Variants in ADCY2 observed in about 807,000 individuals in gnomAD.
The protein encoded by ADCY2 is adenylate cyclase type 2.
Under a neutral mutation model 125.2 loss-of-function variants are expected in ADCY2, and 31 were observed. The ratio of observed to expected loss-of-function variants is 0.25; its 90% CI spans 0.19 to 0.33. ADCY2 has a LOEUF of 0.33. ADCY2 is among the 10% of genes least tolerant of loss of function. The pLI is 1.00. For missense variants in ADCY2, 904 were observed against 1,418.2 expected, an observed-to-expected ratio of 0.64 and a Z score of 5.82; for synonymous variants, 512 against 548.4, an observed-to-expected ratio of 0.93 and a Z score of 0.93.
chr5:7,747,132 T>G (rs1263176804), intron 15 of ADCY2, among the ~76,000 whole-genome samples: 1 of 152,154 alleles, frequency 6.6e-6, no homozygotes, highest in Admixed American at 6.5e-5. Flanking sequence ...GCCCCTTCAC[T>G]CCCACCCGAG....
intron 3 of ADCY2, among the ~76,000 whole-genome samples, chr5:7,613,039 T>A (rs12520056): frequency 0.27 from 41,496 of 151,488 alleles, 6,885 homozygotes; most frequent in Admixed American, 0.46. Context: ...CTCAAAAAAA[T>A]ATATATATAC....
intron 3 of ADCY2, among the ~76,000 whole-genome samples, chr5:7,564,692 C>T (rs888237581): frequency 5.3e-5 from 8 of 152,166 alleles, no homozygotes; most frequent in African/African-American, 1.7e-4. Flanking sequence ...AATGCTCATC[C>T]TGCCACCCTG....
chr5:7,568,221 C>T (rs1313284396), intron 3 of ADCY2, among the ~76,000 whole-genome samples: 3 of 152,098 alleles, frequency 2.0e-5, no homozygotes, highest in Non-Finnish European at 4.4e-5. Context: ...AGTTCATGTC[C>T]ACGTGGTCCT....
chr5:7,396,381 T>C lies in ADCY2; in HGVS notation c.85T>C (p.Ser29Pro). The C allele has an allele frequency of 6.4e-7, 1 of 1,560,962 alleles. No individual in the cohort carries two copies. Among genetic ancestry groups the C allele is most frequent in the Non-Finnish European group, 8.7e-7 (1 of 1,154,944 alleles). ...GGGCGGCGGAGACGGGCTGCCGCGG[T>C]CCCGGGACTGGCTCTACGAGTCCTA... is the stretch of plus-strand genomic sequence containing the variant. ...AAGGGDGLPR[S>P]RDWLYESYYC... The change falls in exon 1 of 25, where the codon TCC (serine) becomes CCC (proline). Residue 29 changes from serine (S) to proline (P), a missense_variant. Around this residue, in one of 7 missense-constraint regions of ADCY2, gnomAD observed 113 missense variants for 108.0 expected, o/e 1.05. Coordinates refer to ENST00000338316, the MANE Select transcript of ADCY2 (RefSeq NM_020546.3). This position sits in a 1 kb window ranked among gnomAD's most constrained non-coding sequence, Gnocchi z 5.7.
intron 3 of ADCY2, among the ~76,000 whole-genome samples, chr5:7,532,203 G>A (rs865893444): frequency 1.3e-5 from 2 of 152,212 alleles, no homozygotes; most frequent in Middle Eastern, 3.2e-3. Flanking sequence ...TTGCAGATAG[G>A]TAAGGCAACT....
chr5:7,778,362 T>C (rs549840816), intron 18 of ADCY2, among the ~76,000 whole-genome samples: 1 of 152,212 alleles, frequency 6.6e-6, no homozygotes, highest in Non-Finnish European at 1.5e-5. Context: ...CCTTTAATTC[T>C]AGAGACACAT....
At chr5:7,731,793 G>C (rs1337343919) in intron 14 of ADCY2, among the ~76,000 whole-genome samples, 1 of 150,768 alleles carries the variant, frequency 6.6e-6, no homozygotes, top group Admixed American at 6.6e-5. Flanking sequence ...AGTAGAGATG[G>C]AGTTTCACCA....
rs577822228 is a variant in ADCY2 at position 7,445,269 on chromosome 5, A to G, written c.408+30499A>G. On this transcript the variant is annotated intron_variant, in intron 2 of 24. Coordinates refer to ENST00000338316, the MANE Select transcript of ADCY2 (RefSeq NM_020546.3). ...TCCCCGTGGGAAGTGTGACATGCAT[A>G]TCCAGTGTCATCTTTATCTATGTGG... Among the ~76,000 whole-genome samples the G allele has an allele frequency of 2.5e-3, 375 of 152,250 alleles. 1 individual carries two copies. The highest frequency in any genetic ancestry group is 3.5e-3 in the Non-Finnish European group (240 of 68,028).
chr5:7,677,875 A>C (rs1303284301), intron 4 of ADCY2, among the ~76,000 whole-genome samples: 1 of 152,198 alleles, frequency 6.6e-6, no homozygotes, highest in African/African-American at 2.4e-5. Flanking sequence ...CTTGAGCTCA[A>C]GTCAGCGTGG....
At chr5:7,454,939 T>C (rs1320958066) in intron 2 of ADCY2, among the ~76,000 whole-genome samples, 1 of 152,204 alleles carries the variant, frequency 6.6e-6, no homozygotes, top group Non-Finnish European at 1.5e-5. Context: ...CCCTCATGCA[T>C]AGAGCATTTT....
intron 14 of ADCY2, 140 bp from the exon 15 acceptor site, chr5:7,743,528 A>G (rs1742505922): frequency 2.6e-6 from 2 of 756,346 alleles, no homozygotes; most frequent in African/African-American, 3.5e-5. Flanking sequence ...TTTTAGCTCC[A>G]TTTTTATTTC....
rs375222733 is a variant in ADCY2, at chr5:7,826,897, G to T, written c.*26G>T. The T allele has an allele frequency of 9.5e-6, 15 of 1,578,498 alleles. No individual in the cohort carries two copies. In the African/African-American group the frequency reaches 1.6e-4, roughly 17 times the overall value. On this transcript the variant is annotated 3_prime_UTR_variant, in exon 25 of 25. Coordinates refer to ENST00000338316, the MANE Select transcript of ADCY2 (RefSeq NM_020546.3). The stretch of plus-strand genomic sequence containing the variant: ...AGAGTCACCTTCATTTTGGCAAGAA[G>T]ACTGTATTTTCAGGAAGGTATCACA...
Position 7,716,884 on chromosome 5 carries a change from G to A in ADCY2, c.1623-273G>A, listed in dbSNP as rs370388767. ...ATAAACAGAATAACTTCTAATGTTT[G>A]ATAGCAGAATAGGGTGACTGTAGTT... On this transcript the variant is annotated intron_variant, in intron 11 of 24. Transcript: ENST00000338316. Among the ~76,000 whole-genome samples the A allele has an allele frequency of 1.5e-3, 232 of 152,288 alleles. 1 individual carries two copies. The highest frequency in any genetic ancestry group is 3.4e-3 in the Middle Eastern group (1 of 294).
rs145536406 is a variant in ADCY2 at position 7,412,456 on chromosome 5, A to G, written c.211-2117A>G. 2.9e-3 allele frequency among the ~76,000 whole-genome samples: 435 copies of G among 152,286 alleles called. 1 individual carries two copies. The highest frequency in any genetic ancestry group is 0.01 in the African/African-American group (420 of 41,568). On this transcript the variant is annotated intron_variant, in intron 1 of 24. Coordinates refer to ENST00000338316, the MANE Select transcript of ADCY2 (RefSeq NM_020546.3). ...ATAATCTCAGATTTGATGTCCTCAG[A>G]TAACACGCTGTCATGTCCCACGTGT...
At chr5:7,572,484 A>G (rs1055115939) in intron 3 of ADCY2, among the ~76,000 whole-genome samples, 1 of 151,718 alleles carries the variant, frequency 6.6e-6, no homozygotes, top group Non-Finnish European at 1.5e-5. Context: ...TCCTTTGCCC[A>G]CTTTTTAATG....
chr5:7,636,651 A>T (rs1738515687), intron 4 of ADCY2, among the ~76,000 whole-genome samples: 1 of 152,218 alleles, frequency 6.6e-6, no homozygotes, highest in Non-Finnish European at 1.5e-5. Flanking sequence ...GCAACAAAAA[A>T]TTATAAGAAT....
At chr5:7,749,829 C>T (rs908658391) in intron 15 of ADCY2, 9 of 152,176 alleles carry the variant, frequency 5.9e-5, no homozygotes, top group African/African-American at 1.7e-4. Context: ...GAGGTCGCCT[C>T]GGGAAAGGGA....
chr5:7,545,181 C>A (rs1735110193), intron 3 of ADCY2, among the ~76,000 whole-genome samples: 2 of 152,196 alleles, frequency 1.3e-5, no homozygotes, highest in Non-Finnish European at 2.9e-5. Flanking sequence ...CATCAGAACA[C>A]AGATATCAGT....
chr5:7,569,577 C>A (rs1365416361), intron 3 of ADCY2, among the ~76,000 whole-genome samples: 1 of 152,164 alleles, frequency 6.6e-6, no homozygotes, highest in Non-Finnish European at 1.5e-5. Context: ...CCAGGGTACT[C>A]CAGATAGTTA....
Sources: allele counts gnomAD v4.1 joint callset (sites outside exome capture counted in the v4.1 genomes callset), GRCh38; gene constraint gnomAD v4.1.1; regional missense constraint gnomAD v4.1.1; non-coding constraint Gnocchi (gnomAD v3.1); transcripts MANE v1.5; gene names NCBI Gene and HGNC (gene_info 2026-07-23, HGNC 2026-07-21).